Variants in HOATZ observed in about 807,000 individuals in gnomAD.
HOATZ encodes cilia- and flagella-associated protein HOATZ.
Under a neutral mutation model 24.9 loss-of-function variants are expected in HOATZ, and 26 were observed. The ratio of observed to expected loss-of-function variants is 1.04; its 90% CI spans 0.76 to 1.45. The LOEUF (loss-of-function observed/expected upper bound fraction) is 1.45. Among genes scored for constraint, HOATZ ranks in the 40% most tolerant of loss-of-function variants. The pLI is 0.00. For missense variants in HOATZ, 226 were observed against 201.5 expected, an observed-to-expected ratio of 1.12 and a Z score of -0.74; for synonymous variants, 83 against 76.6, an observed-to-expected ratio of 1.08 and a Z score of -0.43.
At chr11:111,521,321 G>C (rs185783242) in intron 3 of HOATZ, among the ~76,000 whole-genome samples, 14 of 152,238 alleles carry the variant, frequency 9.2e-5, no homozygotes, top group African/African-American at 3.1e-4. Context: ...ATTATCAACT[G>C]TTGGATTATC....
chr11:111,524,551 T>C (rs1353005817), intron 3 of HOATZ, among the ~76,000 whole-genome samples: 1 of 152,128 alleles, frequency 6.6e-6, no homozygotes, highest in African/African-American at 2.4e-5. Context: ...ATATTCCGTA[T>C]ACTAGAACTT....
intron 3 of HOATZ, 125 bp downstream of exon 3, chr11:111,516,235 A>G: frequency 1.9e-6 from 1 of 538,830 alleles, no homozygotes; most frequent in Middle Eastern, 5.0e-4. Context: ...AATTAAGGAA[A>G]CCTTTATTAG....
At chr11:111,533,679 C>T in intron 3 of HOATZ, 67 bp from the exon 4 acceptor site, 1 of 1,089,450 alleles carries the variant, frequency 9.2e-7, no homozygotes, top group Admixed American at 2.1e-5. Flanking sequence ...TGGAAGAATT[C>T]TACCTTTCGT....
chr11:111,531,692 G>A (rs1867394877), intron 3 of HOATZ, among the ~76,000 whole-genome samples: 1 of 152,158 alleles, frequency 6.6e-6, no homozygotes, highest in South Asian at 2.1e-4. Flanking sequence ...TAAAGCTCAA[G>A]TAAAACGTAG....
chr11:111,533,030 G>C (rs1867410338), intron 3 of HOATZ, among the ~76,000 whole-genome samples: 1 of 152,080 alleles, frequency 6.6e-6, no homozygotes, highest in Non-Finnish European at 1.5e-5. Context: ...AAATCTTCAT[G>C]CCTGCACTAA....
rs953517055 is a variant in HOATZ at position 111,518,030 on chromosome 11, T to C, written c.339+1920T>C. Among the ~76,000 whole-genome samples the C allele has an allele frequency of 7.9e-5, 12 of 152,318 alleles. No homozygotes were observed. In the East Asian group the frequency reaches 2.1e-3, roughly 27 times the overall value. ...TGCTCTCTCCCCAACTCTGTATAGTTGGATCTCAACCATGCAGGCCAAGGA... is the reference window on the plus strand; with the variant it reads ...TGCTCTCTCCCCAACTCTGTATAGTCGGATCTCAACCATGCAGGCCAAGGA... On this transcript the variant is annotated intron_variant, in intron 3 of 5. Transcript: ENST00000375618.
At chr11:111,523,699 C>A (rs942366235) in intron 3 of HOATZ, among the ~76,000 whole-genome samples, 4 of 152,206 alleles carry the variant, frequency 2.6e-5, no homozygotes, top group African/African-American at 7.2e-5. Flanking sequence ...TTTTGAACCA[C>A]TTGTAGTTCC....
At chr11:111,536,271 A>G (rs1300226870) in intron 5 of HOATZ, 1 of 152,792 alleles carries the variant, frequency 6.5e-6, no homozygotes, top group African/African-American at 2.4e-5. Context: ...AAACTATTCT[A>G]TTAGACACAA....
At chr11:111,529,595 C>T (rs904375953) in intron 3 of HOATZ, among the ~76,000 whole-genome samples, 4 of 152,066 alleles carry the variant, frequency 2.6e-5, no homozygotes, top group Admixed American at 1.3e-4. Flanking sequence ...AACTCCTGAC[C>T]TCATGATCCT....
intron 3 of HOATZ, among the ~76,000 whole-genome samples, chr11:111,518,573 G>A (rs1455827203): frequency 6.6e-6 from 1 of 152,222 alleles, no homozygotes; most frequent in African/African-American, 2.4e-5. Context: ...CAACTGGTAA[G>A]TGGCAGAGCA....
chr11:111,520,555 T>C (rs1401494334), intron 3 of HOATZ, among the ~76,000 whole-genome samples: 1 of 152,218 alleles, frequency 6.6e-6, no homozygotes, highest in East Asian at 1.9e-4. Context: ...GTTTGTTATA[T>C]GGCACTTCCT....
Position 111,536,788 on chromosome 11 carries a change from A to C in HOATZ, c.471A>C (p.Ser157=). ...EHKAKKVVSE[S]DKEDQEEVKT... ...CCAACAGGAAAGTGGTATCAGAGTC[A>C]GATAAAGAGGACCAAGAAGAAGTCA... The change falls in exon 6 of 6, where the codon TCA becomes TCC. Residue 157 remains serine, a synonymous_variant. Transcript: ENST00000375618. 6.2e-7 allele frequency: 1 copy of C among 1,613,620 alleles called. No individual in the cohort carries two copies. Among genetic ancestry groups the C allele is most frequent in the Non-Finnish European group, 8.5e-7 (1 of 1,179,630 alleles).
chr11:111,532,708 C>A (rs186851936), intron 3 of HOATZ, among the ~76,000 whole-genome samples: 1 of 152,332 alleles, frequency 6.6e-6, no homozygotes, highest in African/African-American at 2.4e-5. Flanking sequence ...TACTTTGTTA[C>A]AGCAGCCCTA....
At position 111,528,718 on chromosome 11, in the gene HOATZ, G is replaced by A. The variant is rs1219581624; in HGVS notation, c.340-5028G>A. 7.2e-5 allele frequency among the ~76,000 whole-genome samples: 11 copies of A among 152,342 alleles called. No individual in the cohort carries two copies. In the East Asian group the frequency reaches 1.9e-3, roughly 27 times the overall value. On this transcript the variant is annotated intron_variant, in intron 3 of 5. Coordinates refer to ENST00000375618, the MANE Select transcript of HOATZ (RefSeq NM_001100388.2). ...TCTACAAGAATAAGAATGTTTCTGTGAGAGCAGAGACTATATTTTTCTTCT... is the reference window on the plus strand; with the variant it reads ...TCTACAAGAATAAGAATGTTTCTGTAAGAGCAGAGACTATATTTTTCTTCT...
At chr11:111,534,769 T>G (rs956573484) in intron 5 of HOATZ, 2 of 292,990 alleles carry the variant, frequency 6.8e-6, no homozygotes, top group Non-Finnish European at 1.3e-5. Flanking sequence ...CCCATCATCA[T>G]GCCCTCCTGA....
chr11:111,520,118 C>T (rs1269285649), intron 3 of HOATZ, among the ~76,000 whole-genome samples: 1 of 152,144 alleles, frequency 6.6e-6, no homozygotes, highest in East Asian at 1.9e-4. Context: ...AACCTCACAG[C>T]CCTACACTGG....
At chr11:111,515,886 A>G (rs558396729) in intron 2 of HOATZ, among the ~76,000 whole-genome samples, 154 bp from the exon 3 acceptor site, 7 of 152,360 alleles carry the variant, frequency 4.6e-5, no homozygotes, top group Admixed American at 2.6e-4. Context: ...GTTGTTTGCA[A>G]ATCTGGTTTG....
chr11:111,531,145 T>G (rs890036554), intron 3 of HOATZ, among the ~76,000 whole-genome samples: 1 of 152,244 alleles, frequency 6.6e-6, no homozygotes, highest in Non-Finnish European at 1.5e-5. Flanking sequence ...TTCCCAATAG[T>G]TACACAGAAA....
chr11:111,515,829 A>C (rs1867188945), intron 2 of HOATZ, among the ~76,000 whole-genome samples: 1 of 152,230 alleles, frequency 6.6e-6, no homozygotes, highest in East Asian at 1.9e-4. Context: ...CATCATCTAA[A>C]GAGATTAGAG....
Sources: allele counts gnomAD v4.1 joint callset (sites outside exome capture counted in the v4.1 genomes callset), GRCh38; gene constraint gnomAD v4.1.1; transcripts MANE v1.5; gene names NCBI Gene and HGNC (gene_info 2026-07-23, HGNC 2026-07-21).